NRK: variants seen among roughly 807,000 people sequenced by gnomAD.
The protein encoded by NRK is Nik related kinase.
A neutral mutation model predicts 125.2 loss-of-function variants in NRK; 67 were observed. The observed-to-expected ratio is 0.54, with a 90% CI of 0.44 to 0.66. NRK has a LOEUF of 0.66. Among genes scored for constraint, NRK ranks in the 30% least tolerant of loss-of-function variants. The pLI is 0.00. For missense variants in NRK, 1,224 were observed against 1,192.9 expected (o/e 1.03, Z -0.38); for synonymous variants, 458 against 429.0 (o/e 1.07, Z -0.84).
chrX:105,886,452 A>G (rs980792968), intron 4 of NRK, among the ~76,000 whole-genome samples: 16 of 104,387 alleles, frequency 1.5e-4, no homozygotes, highest in Non-Finnish European at 2.9e-4. Flanking sequence ...ATAATTATAT[A>G]TATAATTATA....
At chrX:105,888,512 G>A in intron 5 of NRK, 93 bp downstream of exon 5, 1 of 746,525 alleles carries the variant, frequency 1.3e-6, no homozygotes, top group Non-Finnish European at 1.9e-6. Flanking sequence ...TGCATCTACA[G>A]GAAAACTTAG....
chrX:105,942,405 G>GT (rs918833562), intron 23 of NRK, among the ~76,000 whole-genome samples: 4 of 111,371 alleles, frequency 3.6e-5, no homozygotes, highest in African/African-American at 9.8e-5. Context: ...GTAAATATCT[G>GT]TTTTTTTATT....
intron 23 of NRK, 69 bp downstream of exon 23, chrX:105,940,101 T>C (rs1602696358): frequency 2.5e-6 from 2 of 784,498 alleles, no homozygotes; most frequent in East Asian, 7.1e-5. Context: ...AACTACATAA[T>C]TATGAAAGGC....
In NRK at chrX:105,880,753, T is replaced by G. The variant is rs779150915; in HGVS notation, c.180+498T>G. On this transcript the variant is annotated intron_variant, in intron 3 of 28. Transcript: ENST00000243300. ...CTGACAGATGAGCAAAAGAGACAGT[T>G]TAATTGGCACCGTTCCTGGTAACAT... 4.5e-5 allele frequency among the ~76,000 whole-genome samples: 5 copies of G among 111,692 alleles called. No homozygotes were observed. The South Asian group carries it at 1.8e-3, about 41-fold the overall frequency.
intron 19 of NRK, among the ~76,000 whole-genome samples, chrX:105,927,642 G>A (rs1905504924): frequency 9.0e-6 from 1 of 111,184 alleles, no homozygotes; most frequent in African/African-American, 3.3e-5. Flanking sequence ...TTGTTTTGAG[G>A]TATGTTACTT....
At chrX:105,865,077 CTG>C (rs2039652291) in intron 2 of NRK, among the ~76,000 whole-genome samples, 1 of 111,712 alleles carries the variant, frequency 9.0e-6, no homozygotes, top group African/African-American at 3.3e-5. Flanking sequence ...TTATTTTAAA[CTG>C]TGAATCTCTC....
At chrX:105,920,301 G>C (rs1602673270) in intron 16 of NRK, among the ~76,000 whole-genome samples, 1 of 107,989 alleles carries the variant, frequency 9.3e-6, no homozygotes, top group East Asian at 2.9e-4. Context: ...CTGTAGCCTT[G>C]TAATATAGTT....
intron 4 of NRK, among the ~76,000 whole-genome samples, chrX:105,887,480 G>C (rs2039962447): frequency 8.9e-6 from 1 of 111,871 alleles, no homozygotes; most frequent in African/African-American, 3.2e-5. Flanking sequence ...ATTGCTCTTG[G>C]TAATGCAAAA....
In NRK at chrX:105,949,659, G is replaced by A. The variant is rs1397591677; in HGVS notation, c.4438G>A (p.Ala1480Thr). Residue 1480 changes from alanine (A) to threonine (T), a missense_variant, in exon 27 of 29, where the codon GCC (alanine) becomes ACC (threonine). Physicochemically the swap from Ala to Thr is moderately conservative, Grantham distance 58 (BLOSUM62 0). Coordinates refer to ENST00000243300, the MANE Select transcript of NRK (RefSeq NM_198465.4). ...IGMMLTFNAE[A>T]LSVEANEQLF... ...CATGATGCTCACCTTCAATGCTGAA[G>A]CCCTCTCTGTGGAAGCAAATGAACA... 2 of 1,198,345 alleles carry A rather than the reference G, an allele frequency of 1.7e-6. No homozygotes were observed. The highest frequency in any genetic ancestry group is 1.1e-6 in the Non-Finnish European group (1 of 884,022).
At chrX:105,885,305 A>C (rs1480644399) in intron 4 of NRK, among the ~76,000 whole-genome samples, 1 of 111,546 alleles carries the variant, frequency 9.0e-6, no homozygotes, top group Non-Finnish European at 1.9e-5. Flanking sequence ...ATCTCACATC[A>C]CCTTCAACTT....
Position 105,935,291 on chromosome X carries a change from G to T in NRK, c.3621G>T (p.Glu1207Asp). 2 of 1,202,169 alleles carry T rather than the reference G, an allele frequency of 1.7e-6. No homozygotes were observed. Among genetic ancestry groups the T allele is most frequent in the Non-Finnish European group, 2.3e-6 (2 of 888,572 alleles). ...CACTAATCCACATGTATGAAAAGGA[G>T]TTCACTTCTGAGATCTGCTGTGGTT... ...KKPLIHMYEK[E>D]FTSEICCGSL... Residue 1207 changes from glutamate (E) to aspartate (D), a missense_variant, in exon 21 of 29, where the codon GAG becomes GAT. Transcript: ENST00000243300.
At chrX:105,936,386 C>T (rs759056585) in intron 21 of NRK, among the ~76,000 whole-genome samples, 18 of 111,852 alleles carry the variant, frequency 1.6e-4, no homozygotes, top group Admixed American at 3.8e-4. Context: ...ATTCTTATAA[C>T]GTGTAATTTT....
At chrX:105,937,029 A>G (rs536607543) in intron 21 of NRK, among the ~76,000 whole-genome samples, 1 of 110,589 alleles carries the variant, frequency 9.0e-6, no homozygotes, top group Admixed American at 9.8e-5. Context: ...AAAAAGGTTG[A>G]TTGATTTTGA....
chrX:105,917,872 T>G (rs2040386737), intron 16 of NRK, among the ~76,000 whole-genome samples, 200 bp downstream of exon 16: 1 of 111,189 alleles, frequency 9.0e-6, no homozygotes, highest in Non-Finnish European at 1.9e-5. Flanking sequence ...GAAAATAATT[T>G]TTCTGAATTT....
chrX:105,927,737 A>G (rs1355418064), intron 19 of NRK, among the ~76,000 whole-genome samples: 1 of 111,435 alleles, frequency 9.0e-6, no homozygotes, highest in Admixed American at 9.5e-5. Flanking sequence ...TCACATGATC[A>G]TATAATTTTT....
intron 15 of NRK, among the ~76,000 whole-genome samples, chrX:105,916,624 G>T: frequency 9.0e-6 from 1 of 111,446 alleles, no homozygotes. Context: ...AGATTTAACT[G>T]GAGTGCAGAA....
chrX:105,899,583 C>T (rs2040129075), intron 8 of NRK, among the ~76,000 whole-genome samples: 1 of 111,809 alleles, frequency 8.9e-6, no homozygotes, highest in Non-Finnish European at 1.9e-5. Context: ...TAATTGTATA[C>T]TTTTTGCAGT....
intron 1 of NRK, among the ~76,000 whole-genome samples, chrX:105,829,038 G>T (rs1250949817): frequency 8.9e-6 from 1 of 111,920 alleles, no homozygotes; most frequent in Non-Finnish European, 1.9e-5. Flanking sequence ...TAGAATGACT[G>T]ATAGACTATG....
intron 2 of NRK, among the ~76,000 whole-genome samples, chrX:105,856,552 A>G (rs976103568): frequency 3.6e-5 from 4 of 111,221 alleles, no homozygotes; most frequent in African/African-American, 1.3e-4. Flanking sequence ...TCAGTAAAGG[A>G]GAAGAACATA....
Sources: gnomAD v4.1 joint callset for allele counts (sites outside exome capture counted in the v4.1 genomes callset) on GRCh38, gnomAD v4.1.1 for gene constraint, MANE v1.5 for transcripts, NCBI Gene and HGNC (gene_info 2026-07-23, HGNC 2026-07-21) for gene names.